The following PRKCH variants were observed in gnomAD, a reference collection of about 807,000 sequenced individuals.
PRKCH encodes protein kinase C eta type.
A neutral mutation model predicts 82.5 loss-of-function variants in PRKCH; 28 were observed. That is an observed-to-expected ratio of 0.34 (90% confidence interval 0.25 to 0.47). PRKCH has a LOEUF of 0.47. Ranked by LOEUF, PRKCH falls within the 20% of genes least tolerant of loss-of-function variation. The pLI, the probability that PRKCH is intolerant of heterozygous loss-of-function variation, is 1.00. For synonymous variants in PRKCH, 322 were observed against 327.4 expected, an observed-to-expected ratio of 0.98 and a Z score of 0.18; for missense variants, 705 against 881.8, an observed-to-expected ratio of 0.80 and a Z score of 2.54.
At chr14:61,255,739 A>G (rs1432590580) in intron 1 of PRKCH, among the ~76,000 whole-genome samples, 1 of 152,162 alleles carries the variant, frequency 6.6e-6, no homozygotes, top group African/African-American at 2.4e-5. Context: ...GCAGCCACTT[A>G]AAAGGGACAG....
intron 10 of PRKCH, among the ~76,000 whole-genome samples, chr14:61,523,077 C>G (rs1213170865): frequency 6.6e-6 from 1 of 152,238 alleles, no homozygotes; most frequent in Non-Finnish European, 1.5e-5. Context: ...CCATAACCCA[C>G]ATTCACTCAC....
At chr14:61,542,059 G>A (rs1485291671) in intron 12 of PRKCH, among the ~76,000 whole-genome samples, 2 of 152,188 alleles carry the variant, frequency 1.3e-5, no homozygotes, top group Non-Finnish European at 2.9e-5. Context: ...GGAGGCCGAG[G>A]CAGGCGGATC....
chr14:61,415,731 T>G (rs1404874940), intron 2 of PRKCH, among the ~76,000 whole-genome samples: 1 of 152,200 alleles, frequency 6.6e-6, no homozygotes, highest in African/African-American at 2.4e-5. Context: ...TATAGTCCAG[T>G]GGTATTAGGT....
rs1886986531 is a variant in PRKCH, at chr14:61,503,000, GCTT to G, written c.1433+17345_1433+17347del. The stretch of plus-strand genomic sequence containing the variant: ...GAATGTAAGAGAGGAAGGGAAGCAG[GCTT>G]TTTTTTTTTTTTTTTTTTTGACTCC... On this transcript the variant is annotated intron_variant, in intron 10 of 13. Transcript: ENST00000332981. Among the ~76,000 whole-genome samples the G allele has an allele frequency of 2.7e-5, 3 of 109,246 alleles. No individual in the cohort carries two copies. In the South Asian group the frequency reaches 9.5e-4, roughly 35 times the overall value. The allele number at this position is 109,246 out of a possible 152,430, so 71.7% of individuals were successfully genotyped here. A position where few individuals can be genotyped will look rare whatever the true frequency, so the allele number is the denominator to read the frequency against.
intron 10 of PRKCH, among the ~76,000 whole-genome samples, chr14:61,491,182 T>C (rs558012762): frequency 3.5e-4 from 54 of 152,370 alleles, no homozygotes; most frequent in Admixed American, 9.1e-4. Flanking sequence ...AATTCAGTTC[T>C]GTATTTATAT....
intron 1 of PRKCH, among the ~76,000 whole-genome samples, chr14:61,336,303 G>A (rs1181490780): frequency 6.6e-6 from 1 of 152,116 alleles, no homozygotes; most frequent in Non-Finnish European, 1.5e-5. Context: ...TAAATCAGTA[G>A]GAGATTTCTA....
At chr14:61,453,801 G>A (rs911259630) in intron 7 of PRKCH, among the ~76,000 whole-genome samples, 3 of 151,814 alleles carry the variant, frequency 2.0e-5, no homozygotes, top group Non-Finnish European at 4.4e-5. Flanking sequence ...CTGCAGGTGT[G>A]CACCACTATG....
At chr14:61,433,069 A>G (rs921138470) in intron 2 of PRKCH, among the ~76,000 whole-genome samples, 1 of 151,968 alleles carries the variant, frequency 6.6e-6, no homozygotes, top group Non-Finnish European at 1.5e-5. Context: ...AAACTATCAA[A>G]AAATGGTGGC....
intron 1 of PRKCH, among the ~76,000 whole-genome samples, chr14:61,216,099 A>C (rs561931814): frequency 2.0e-5 from 3 of 152,292 alleles, no homozygotes; most frequent in African/African-American, 7.2e-5. Flanking sequence ...ATTTCTCTTT[A>C]CATTTATTTT....
At chr14:61,374,428 C>T (rs1212898508) in intron 1 of PRKCH, among the ~76,000 whole-genome samples, 3 of 152,106 alleles carry the variant, frequency 2.0e-5, no homozygotes, top group Non-Finnish European at 4.4e-5. Flanking sequence ...GTTTCAGCCC[C>T]ACATTTCCCC....
At position 61,231,672 on chromosome 14, in the gene PRKCH, G is replaced by C. The variant is rs1453912962; in HGVS notation, c.-19+44004G>C. Reference sequence around the variant, plus strand: ...CAGGTGTGAGCCACCGTGGCCGGCTGAATCTTTATTTTTCTTATTCCCGAA... The same window carrying C: ...CAGGTGTGAGCCACCGTGGCCGGCTCAATCTTTATTTTTCTTATTCCCGAA... On this transcript the variant is annotated intron_variant, in intron 1 of 3. Coordinates refer to the PRKCH transcript ENST00000555185. 2.6e-5 allele frequency among the ~76,000 whole-genome samples: 4 copies of C among 151,994 alleles called. 1 individual carries two copies. Among genetic ancestry groups the C allele is most frequent in the African/African-American group, 9.7e-5 (4 of 41,384 alleles).
At chr14:61,526,247 G>T (rs560685691) in intron 10 of PRKCH, among the ~76,000 whole-genome samples, 1 of 152,212 alleles carries the variant, frequency 6.6e-6, no homozygotes, top group Admixed American at 6.5e-5. Context: ...GGGATTCTGC[G>T]TGGAGAAGGG....
chr14:61,485,603 T>C lies in PRKCH; in HGVS notation c.1380T>C (p.Ala460=). 3 of 1,614,226 alleles carry C rather than the reference T, an allele frequency of 1.9e-6. No homozygotes were observed. Among genetic ancestry groups the C allele is most frequent in the Non-Finnish European group, 2.5e-6 (3 of 1,180,022 alleles). The part of the protein sequence containing the change: ...RFDEARARFY[A]AEIISALMFL... ...ATGAAGCACGAGCTCGCTTCTATGC[T>C]GCAGAAATCATTTCGGCTCTCATGT... Residue 460 remains alanine (A), a synonymous_variant, in exon 10 of 14, where the codon GCT becomes GCC. Transcript: ENST00000332981.
chr14:61,311,050 C>G (rs1566815026), intron 1 of PRKCH, among the ~76,000 whole-genome samples: 1 of 152,218 alleles, frequency 6.6e-6, no homozygotes, highest in Non-Finnish European at 1.5e-5. Flanking sequence ...GCAGAAGGGC[C>G]CTGGGCCTGG....
chr14:61,440,830 C>T lies in PRKCH; in HGVS notation c.428-2281C>T, dbSNP rs889615294. Among the ~76,000 whole-genome samples, 5 of 151,960 alleles carry T rather than the reference C, an allele frequency of 3.3e-5. No homozygotes were observed. In the South Asian group the frequency reaches 8.3e-4, roughly 25 times the overall value. On this transcript the variant is annotated intron_variant, in intron 2 of 13. Coordinates refer to ENST00000332981, the MANE Select transcript of PRKCH (RefSeq NM_006255.5). ...TGGAGGTTGCAATGAGCTGAGAACACGCCACTGCACTCCAGCCTGGTGACA... is the reference window on the plus strand; with the variant it reads ...TGGAGGTTGCAATGAGCTGAGAACATGCCACTGCACTCCAGCCTGGTGACA...
intron 1 of PRKCH, 23 bp downstream of exon 1, chr14:61,322,487 C>T (rs2045640413): frequency 1.3e-6 from 2 of 1,578,206 alleles, no homozygotes; most frequent in Non-Finnish European, 1.7e-6. Context: ...GACCCCTTCC[C>T]TTTGTGTCCA....
At chr14:61,518,682 A>C (rs953575266) in intron 10 of PRKCH, among the ~76,000 whole-genome samples, 4 of 152,176 alleles carry the variant, frequency 2.6e-5, no homozygotes, top group Non-Finnish European at 5.9e-5. Flanking sequence ...GGTCCTGTGT[A>C]TCTGCAGTGG....
chr14:61,534,656 T>C (rs2043084185), intron 12 of PRKCH, among the ~76,000 whole-genome samples: 1 of 152,174 alleles, frequency 6.6e-6, no homozygotes, highest in African/African-American at 2.4e-5. Context: ...CACAGAATTG[T>C]AGAGCTGGAA....
intron 12 of PRKCH, among the ~76,000 whole-genome samples, 189 bp from the exon 13 acceptor site, chr14:61,547,554 C>T (rs1014689006): frequency 4.6e-5 from 7 of 152,246 alleles, no homozygotes; most frequent in South Asian, 2.1e-4. Context: ...CATAAATCCA[C>T]ACAGGCAATC....
Sources: allele counts gnomAD v4.1 joint callset (sites outside exome capture counted in the v4.1 genomes callset), GRCh38; gene constraint gnomAD v4.1.1; transcripts MANE v1.5; gene names NCBI Gene and HGNC (gene_info 2026-07-23, HGNC 2026-07-21).